NAALADL2: variants seen among roughly 807,000 people sequenced by gnomAD.
NAALADL2 encodes the protein N-acetylated alpha-linked acidic dipeptidase like 2.
NAALADL2 carries 76 observed loss-of-function variants against 87.2 expected under a neutral mutation model. That is an observed-to-expected ratio of 0.87 (90% CI 0.72 to 1.05). The LOEUF is 1.05. Among genes scored for constraint, NAALADL2 ranks in the 50% least tolerant of loss-of-function variants. The probability of loss-of-function intolerance (pLI) is 0.00; values close to 1 mark genes in which losing one functional copy is unlikely to be tolerated. For missense variants in NAALADL2, 1,089 were observed against 945.8 expected, an observed-to-expected ratio of 1.15 and a Z score of -1.99; for synonymous variants, 354 against 331.0, an observed-to-expected ratio of 1.07 and a Z score of -0.75.
At chr3:175,056,816 C>A (rs1712299989) in intron 1 of NAALADL2, among the ~76,000 whole-genome samples, 1 of 152,190 alleles carries the variant, frequency 6.6e-6, no homozygotes, top group Non-Finnish European at 1.5e-5. Flanking sequence ...ATCACTCATG[C>A]TATTGTTTGT....
At chr3:175,098,559 C>G (rs1447908471) in intron 2 of NAALADL2, among the ~76,000 whole-genome samples, 2 of 152,174 alleles carry the variant, frequency 1.3e-5, no homozygotes, top group Non-Finnish European at 2.9e-5. Context: ...GAGGGAAATA[C>G]CTCAGCTTCT....
At chr3:175,087,911 TAAA>T (rs776102478) in intron 1 of NAALADL2, among the ~76,000 whole-genome samples, 2 of 134,428 alleles carry the variant, frequency 1.5e-5, no homozygotes, top group Non-Finnish European at 3.2e-5. Flanking sequence ...CAATAAATAC[TAAA>T]AAAAAAAAAA....
intron 3 of NAALADL2, among the ~76,000 whole-genome samples, chr3:175,244,938 A>C (rs1249796238): frequency 6.6e-6 from 1 of 152,156 alleles, no homozygotes; most frequent in Non-Finnish European, 1.5e-5. Flanking sequence ...AGCAGGAGAA[A>C]GTAAGCAGTA....
intron 3 of NAALADL2, among the ~76,000 whole-genome samples, chr3:174,772,947 G>T (rs1163166476): frequency 4.6e-5 from 7 of 152,218 alleles, no homozygotes. Flanking sequence ...GATGCCATCA[G>T]TCCAGTTCTG....
At chr3:174,827,938 T>A (rs2109355848) in intron 3 of NAALADL2, among the ~76,000 whole-genome samples, 1 of 152,270 alleles carries the variant, frequency 6.6e-6, no homozygotes, top group East Asian at 1.9e-4. Flanking sequence ...ATCTCAGCAC[T>A]TTGGGAGGCT....
intron 2 of NAALADL2, among the ~76,000 whole-genome samples, chr3:174,620,887 T>A (rs550830311): frequency 2.0e-5 from 3 of 152,110 alleles, no homozygotes; most frequent in African/African-American, 7.2e-5. Context: ...GTGAGCTAAT[T>A]ACATGATTTG....
intron 2 of NAALADL2, among the ~76,000 whole-genome samples, chr3:174,641,772 T>C (rs1723212271): frequency 6.6e-6 from 1 of 151,748 alleles, no homozygotes; most frequent in Non-Finnish European, 1.5e-5. Context: ...TTTTTTTTTG[T>C]AGAGACAGGG....
At chr3:175,495,288 A>G (rs563378523) in intron 9 of NAALADL2, among the ~76,000 whole-genome samples, 1 of 151,866 alleles carries the variant, frequency 6.6e-6, no homozygotes, top group South Asian at 2.1e-4. Flanking sequence ...ATTTTTTGTC[A>G]TAGGTCTGGT....
At chr3:175,111,487 C>G (rs1724181137) in intron 2 of NAALADL2, among the ~76,000 whole-genome samples, 1 of 151,688 alleles carries the variant, frequency 6.6e-6, no homozygotes, top group South Asian at 2.1e-4. Context: ...AGAACTATTG[C>G]TGAAATACCA....
chr3:175,474,582 G>T (rs1725379398), intron 9 of NAALADL2, among the ~76,000 whole-genome samples: 1 of 152,098 alleles, frequency 6.6e-6, no homozygotes, highest in South Asian at 2.1e-4. Context: ...ATTCTTCAAT[G>T]TACAGCTTGA....
chr3:174,723,829 T>A (rs1261073568), intron 2 of NAALADL2, among the ~76,000 whole-genome samples: 2 of 147,938 alleles, frequency 1.4e-5, no homozygotes, highest in African/African-American at 5.0e-5. Context: ...GTTTTTAGGA[T>A]TTATGGTAAA....
intron 2 of NAALADL2, among the ~76,000 whole-genome samples, chr3:174,694,608 G>C (rs1728862212): frequency 6.6e-6 from 1 of 151,862 alleles, no homozygotes; most frequent in Non-Finnish European, 1.5e-5. Context: ...CTTCATTTTT[G>C]CTGGATGTCA....
chr3:175,160,360 C>CTTTTTTTTTTCTTTTT (rs1732977768), intron 2 of NAALADL2, among the ~76,000 whole-genome samples: 1 of 57,034 alleles, frequency 1.8e-5, no homozygotes, highest in African/African-American at 5.4e-5. Flanking sequence ...TCTTTTCTTT[C>CTTTTTTTTTTCTTTTT]TTTTTTTTTT....
intron 2 of NAALADL2, among the ~76,000 whole-genome samples, chr3:174,657,832 A>T (rs936234050): frequency 2.6e-5 from 4 of 151,856 alleles, no homozygotes; most frequent in African/African-American, 9.7e-5. Flanking sequence ...CTTTTTACAG[A>T]CTTCATTATT....
At chr3:175,263,499 ATATAATTTAAT>A (rs1175937968) in intron 4 of NAALADL2, among the ~76,000 whole-genome samples, 1 of 151,878 alleles carries the variant, frequency 6.6e-6, no homozygotes, top group Non-Finnish European at 1.5e-5. Flanking sequence ...CTACATGAAA[ATATAATTTAAT>A]TGTACTTTTG....
chr3:174,947,170 T>A (rs1579666897), intron 1 of NAALADL2, among the ~76,000 whole-genome samples: 2 of 152,188 alleles, frequency 1.3e-5, no homozygotes, highest in Non-Finnish European at 2.9e-5. Context: ...CACATGATAC[T>A]GATTTTTCTA....
At chr3:174,854,786 T>C (rs1236662772), upstream of NAALADL2, among the ~76,000 whole-genome samples, 1 of 151,572 alleles carries the variant, frequency 6.6e-6, no homozygotes, top group Non-Finnish European at 1.5e-5. Flanking sequence ...TTGTTTTTAT[T>C]ATCAAATATT....
At chr3:175,668,958 A>G (rs1394901713) in intron 11 of NAALADL2, among the ~76,000 whole-genome samples, 3 of 152,088 alleles carry the variant, frequency 2.0e-5, no homozygotes, top group African/African-American at 7.2e-5. Context: ...TGTGTTTTCT[A>G]TTCATTGTTT....
chr3:174,692,341 G>A (rs995269895), intron 2 of NAALADL2, among the ~76,000 whole-genome samples: 13 of 152,090 alleles, frequency 8.5e-5, no homozygotes, highest in Admixed American at 2.0e-4. Context: ...TTTGGATCAC[G>A]CATAATGAGC....
Sources: gnomAD v4.1 joint callset for allele counts (sites outside exome capture counted in the v4.1 genomes callset) on GRCh38, gnomAD v4.1.1 for gene constraint, MANE v1.5 for transcripts, NCBI Gene and HGNC (gene_info 2026-07-23, HGNC 2026-07-21) for gene names.